RAMP1: variants seen among roughly 807,000 people sequenced by gnomAD.
The protein encoded by RAMP1 is receptor activity-modifying protein 1.
In RAMP1, 7 loss-of-function variants were observed where a neutral mutation model predicts 8.2. The observed-to-expected ratio is 0.85, with a 90% CI of 0.49 to 1.60. RAMP1 has a LOEUF of 1.60. RAMP1 is among the 40% of genes most tolerant of loss of function. The pLI is 0.00. For synonymous variants in RAMP1, 92 were observed against 84.7 expected (o/e 1.09, Z -0.47); for missense variants, 192 against 202.4 (o/e 0.95, Z 0.31).
At chr2:237,859,792 GA>G in intron 1 of RAMP1, 65 bp downstream of exon 1, 1 of 1,323,826 alleles carries the variant, frequency 7.6e-7, no homozygotes, top group African/African-American at 1.6e-5. Flanking sequence ...CTCTAGGGGA[GA>G]GGAGGGGAGC....
intron 2 of RAMP1, among the ~76,000 whole-genome samples, chr2:237,909,084 AGGGCTCATTCAAG>A (rs2062682072): frequency 6.6e-6 from 1 of 152,168 alleles, no homozygotes; most frequent in African/African-American, 2.4e-5. Context: ...CCATGGGGCA[AGGGCTCATTCAAG>A]GCTCTCTGGC....
intron 1 of RAMP1, among the ~76,000 whole-genome samples, chr2:237,861,079 G>A (rs2062128853): frequency 1.3e-5 from 2 of 152,180 alleles, no homozygotes. Context: ...AAGGCAGAGA[G>A]CTGGGTTGTG....
At chr2:237,901,763 A>C (rs374802664) in intron 2 of RAMP1, among the ~76,000 whole-genome samples, 1 of 152,184 alleles carries the variant, frequency 6.6e-6, no homozygotes, top group East Asian at 1.9e-4. Flanking sequence ...AGCTAAGCCC[A>C]GCATGCAGAG....
At chr2:237,879,410 G>C (rs1477394070) in intron 2 of RAMP1, among the ~76,000 whole-genome samples, 1 of 151,916 alleles carries the variant, frequency 6.6e-6, no homozygotes, top group South Asian at 2.1e-4. Flanking sequence ...AGGCCAGAGA[G>C]AGTTCGCCAT....
intron 2 of RAMP1, among the ~76,000 whole-genome samples, chr2:237,896,954 G>A (rs575722821): frequency 1.3e-5 from 2 of 152,196 alleles, no homozygotes; most frequent in African/African-American, 4.8e-5. Flanking sequence ...CAGCCTCTTA[G>A]ACTTTTGGAC....
chr2:237,903,385 A>G (rs913905073), intron 2 of RAMP1, among the ~76,000 whole-genome samples: 11 of 152,206 alleles, frequency 7.2e-5, no homozygotes, highest in Admixed American at 3.3e-4. Context: ...TACGGGGTCA[A>G]GAGGCATCCG....
chr2:237,883,701 A>G (rs912629590), intron 2 of RAMP1, among the ~76,000 whole-genome samples: 5 of 151,772 alleles, frequency 3.3e-5, no homozygotes, highest in Admixed American at 3.3e-4. Context: ...CTGTAGACCC[A>G]GGTGCTTGGG....
intron 1 of RAMP1, chr2:237,874,838 C>T (rs1250059154): frequency 2.2e-6 from 1 of 457,444 alleles, no homozygotes; most frequent in African/African-American, 2.1e-5. Context: ...AGAGACCCTC[C>T]ACCAGCCCTG....
chr2:237,873,161 C>T (rs2062263523), intron 1 of RAMP1, among the ~76,000 whole-genome samples: 1 of 152,200 alleles, frequency 6.6e-6, no homozygotes, highest in African/African-American at 2.4e-5. Context: ...TGAACTTGAC[C>T]TAGAACCTGA....
chr2:237,875,991 A>G (rs1047644813), intron 1 of RAMP1, among the ~76,000 whole-genome samples: 5 of 152,180 alleles, frequency 3.3e-5, no homozygotes, highest in Non-Finnish European at 7.4e-5. Context: ...ACTTCCGGCC[A>G]TGGGACCTGG....
chr2:237,877,384 G>C lies in RAMP1; in HGVS notation c.191+22G>C. The stretch of plus-strand genomic sequence containing the variant: ...TCAGGTGAGTCCCATGGCCCCTGGT[G>C]GGCAGGACACGGTTGGGGAGGGAGA... On this transcript the variant is annotated intron_variant, in intron 2 of 2. Coordinates refer to ENST00000254661, the MANE Select transcript of RAMP1 (RefSeq NM_005855.4). This position sits in a 1 kb window ranked among gnomAD's most constrained non-coding sequence, Gnocchi z 4.4. The C allele has an allele frequency of 6.2e-7, 1 of 1,604,000 alleles. No individual in the cohort carries two copies. The highest frequency in any genetic ancestry group is 8.5e-7 in the Non-Finnish European group (1 of 1,174,930).
At chr2:237,876,439 G>A (rs1406327982) in intron 1 of RAMP1, among the ~76,000 whole-genome samples, 4 of 152,170 alleles carry the variant, frequency 2.6e-5, no homozygotes, top group African/African-American at 9.6e-5. Context: ...GGGTGGGGCT[G>A]GGGGTCCCCC....
rs116604514 is a variant in RAMP1 at position 237,897,541 on chromosome 2, C to A, written c.192-13987C>A. Among the ~76,000 whole-genome samples the A allele has an allele frequency of 6.8e-3, 1,032 of 152,294 alleles. 15 individuals are homozygous for A. The highest frequency in any genetic ancestry group is 0.024 in the African/African-American group (998 of 41,554). ...GTTATTCATGTTGTTCCTTTTCCTGCAAGAGAGAGGCCTTTGTCCTCCTTG... is the reference window on the plus strand; with the variant it reads ...GTTATTCATGTTGTTCCTTTTCCTGAAAGAGAGAGGCCTTTGTCCTCCTTG... On this transcript the variant is annotated intron_variant, in intron 2 of 2. Transcript: ENST00000254661.
At chr2:237,896,372 T>C (rs901804115) in intron 2 of RAMP1, among the ~76,000 whole-genome samples, 5 of 152,262 alleles carry the variant, frequency 3.3e-5, no homozygotes, top group African/African-American at 9.6e-5. Flanking sequence ...CTCTCGCTTC[T>C]CCCAGCATGG....
At chr2:237,903,574 A>C (rs2062626946) in intron 2 of RAMP1, among the ~76,000 whole-genome samples, 1 of 152,062 alleles carries the variant, frequency 6.6e-6, no homozygotes. Flanking sequence ...GCTGGAGTGC[A>C]GTGGCAGGAA....
intron 1 of RAMP1, among the ~76,000 whole-genome samples, chr2:237,864,140 G>A (rs1271663055): frequency 6.7e-6 from 1 of 148,766 alleles, no homozygotes; most frequent in Non-Finnish European, 1.5e-5. Context: ...AGGGGAGGCA[G>A]AGTGACCTGG....
chr2:237,902,385 T>C (rs558666637), intron 2 of RAMP1, among the ~76,000 whole-genome samples: 1 of 128,814 alleles, frequency 7.8e-6, no homozygotes, highest in African/African-American at 2.9e-5. Flanking sequence ...GAGAGAGGGA[T>C]CAGGAGGAAG....
At chr2:237,859,352 A>G (rs1454500349), upstream of RAMP1, among the ~76,000 whole-genome samples, 1 of 152,208 alleles carries the variant, frequency 6.6e-6, no homozygotes, top group Non-Finnish European at 1.5e-5. Context: ...TGAGTCGTCT[A>G]GGAGACCCTC....
intron 2 of RAMP1, among the ~76,000 whole-genome samples, chr2:237,908,360 C>G (rs547191438): frequency 6.7e-6 from 1 of 149,966 alleles, no homozygotes; most frequent in Non-Finnish European, 1.5e-5. Flanking sequence ...CAAACTCTGT[C>G]GGGGTCTTGG....
Sources: allele counts gnomAD v4.1 joint callset (sites outside exome capture counted in the v4.1 genomes callset), GRCh38; gene constraint gnomAD v4.1.1; non-coding constraint Gnocchi (gnomAD v3.1); transcripts MANE v1.5; gene names NCBI Gene and HGNC (gene_info 2026-07-23, HGNC 2026-07-21).